TMEM232: variants seen among roughly 807,000 people sequenced by gnomAD.
TMEM232 encodes transmembrane protein 232.
In TMEM232, 80 loss-of-function variants were observed where a neutral mutation model predicts 78.8. That is an observed-to-expected ratio of 1.01 (90% confidence interval 0.85 to 1.22). The LOEUF (loss-of-function observed/expected upper bound fraction) is 1.22. TMEM232 is among the 50% of genes most tolerant of loss of function. The probability of loss-of-function intolerance (pLI) is 0.00; values close to 1 mark genes in which losing one functional copy is unlikely to be tolerated. For synonymous variants in TMEM232, 297 were observed against 254.3 expected (o/e 1.17, Z -1.60); for missense variants, 881 against 742.2 (o/e 1.19, Z -2.17).
At chr5:110,418,568 TA>T (rs751492209), downstream of TMEM232, among the ~76,000 whole-genome samples, 6 of 152,280 alleles carry the variant, frequency 3.9e-5, no homozygotes, top group East Asian at 1.9e-4. Context: ...TATATATAAA[TA>T]TTTTTTTAGC....
chr5:110,668,566 C>G (rs868584217), intron 1 of TMEM232, among the ~76,000 whole-genome samples: 10 of 152,124 alleles, frequency 6.6e-5, no homozygotes, highest in Admixed American at 1.3e-4. Flanking sequence ...ATGTCATTGT[C>G]TATTGCTATT....
intron 11 of TMEM232, among the ~76,000 whole-genome samples, chr5:110,555,903 G>A (rs986335669): frequency 4.6e-5 from 7 of 151,982 alleles, no homozygotes; most frequent in Non-Finnish European, 1.0e-4. Flanking sequence ...ACGTGAGATC[G>A]GTCTGTTGAA....
At chr5:110,734,906 G>T (rs1176171874) in exon 2 of TMEM232, 2 of 151,974 alleles carry the variant, frequency 1.3e-5, no homozygotes, top group Non-Finnish European at 1.5e-5. Context: ...TACTTACCAG[G>T]CAGGGCGCAG....
intron 12 of TMEM232, among the ~76,000 whole-genome samples, chr5:110,502,580 G>A (rs1766391261): frequency 6.6e-6 from 1 of 152,106 alleles, no homozygotes; most frequent in African/African-American, 2.4e-5. Context: ...AAACCCTCCA[G>A]TGACTTCCCT....
At position 110,479,719 on chromosome 5, in the gene TMEM232, TGG is replaced by T. The variant is rs1561547053; in HGVS notation, c.1703+48867_1703+48868del. On this transcript the variant is annotated intron_variant, in intron 12 of 13. Coordinates refer to ENST00000455884, the MANE Select transcript of TMEM232 (RefSeq NM_001039763.4). ...TTTTTACTTAATAGTCTCTGTTTTG[TGG>T]TGGTTATTCATTAAATGCATCATTT... Among the ~76,000 whole-genome samples, 4 of 151,936 alleles carry T rather than the reference TGG, an allele frequency of 2.6e-5. No homozygotes were observed. In the East Asian group the frequency reaches 7.7e-4, roughly 29 times the overall value.
intron 1 of TMEM232, among the ~76,000 whole-genome samples, chr5:110,668,212 T>C (rs1315241052): frequency 1.3e-5 from 2 of 152,132 alleles, no homozygotes; most frequent in Non-Finnish European, 2.9e-5. Context: ...ATGGTTGTAT[T>C]CTCAGAGACT....
chr5:110,713,845 T>C (rs929084393), intron 1 of TMEM232, among the ~76,000 whole-genome samples: 1 of 152,152 alleles, frequency 6.6e-6, no homozygotes, highest in Non-Finnish European at 1.5e-5. Context: ...CAAACTGCAG[T>C]GCAAAGAACT....
chr5:110,664,302 T>C, intron 2 of TMEM232, among the ~76,000 whole-genome samples: 1 of 152,198 alleles, frequency 6.6e-6, no homozygotes, highest in Non-Finnish European at 1.5e-5. Context: ...ATGAAGAATA[T>C]ACATAATTAC....
intron 2 of TMEM232, among the ~76,000 whole-genome samples, chr5:110,665,305 A>C (rs933950224): frequency 2.6e-5 from 4 of 152,308 alleles, no homozygotes; most frequent in Admixed American, 2.0e-4. Flanking sequence ...CCATGAGTTC[A>C]TTCTGATGAA....
chr5:110,429,407 C>A, intron 12 of TMEM232, among the ~76,000 whole-genome samples: 1 of 151,818 alleles, frequency 6.6e-6, no homozygotes, highest in East Asian at 1.9e-4. Flanking sequence ...TAATATATTT[C>A]TTTATGCAGA....
chr5:110,704,106 A>T (rs1001764673), intron 1 of TMEM232, among the ~76,000 whole-genome samples: 2 of 152,222 alleles, frequency 1.3e-5, no homozygotes, highest in South Asian at 4.1e-4. Flanking sequence ...CAAAAAGCTA[A>T]ATTGATAAAA....
intron 2 of TMEM232, among the ~76,000 whole-genome samples, chr5:110,665,936 G>C (rs145893386): frequency 0.024 from 3,617 of 151,636 alleles, 45 homozygotes; most frequent in African/African-American, 0.031. Flanking sequence ...AGGCATACTG[G>C]CATGTGCCCG....
At chr5:110,570,297 T>C (rs541752268) in intron 10 of TMEM232, among the ~76,000 whole-genome samples, 222 of 152,128 alleles carry the variant, frequency 1.5e-3, no homozygotes, top group Non-Finnish European at 2.2e-3. Context: ...ATTTTTGCAC[T>C]GAACATTTGG....
intron 1 of TMEM232, among the ~76,000 whole-genome samples, chr5:110,736,410 TA>T (rs898804429): frequency 6.6e-6 from 1 of 152,142 alleles, no homozygotes; most frequent in Non-Finnish European, 1.5e-5. Context: ...AGCAATTAAA[TA>T]AAAAGTGAAA....
chr5:110,616,068 A>C (rs1782889857), intron 8 of TMEM232, among the ~76,000 whole-genome samples: 1 of 152,034 alleles, frequency 6.6e-6, no homozygotes, highest in South Asian at 2.1e-4. Flanking sequence ...AAACAGACAA[A>C]AAATTTAAAA....
At position 110,678,343 on chromosome 5, in the gene TMEM232, G is replaced by A. The variant is rs112831071; in HGVS notation, c.-12-10979C>T. Among the ~76,000 whole-genome samples the A allele has an allele frequency of 1.0e-2, 1,522 of 152,214 alleles. 14 individuals are homozygous for A. The highest frequency in any genetic ancestry group is 0.034 in the African/African-American group (1,425 of 41,534). On this transcript the variant is annotated intron_variant, in intron 1 of 13. Transcript: ENST00000455884. ...GCCTCCCAAAACATTGGGATTACAG[G>A]TGTGAGCCACCATGCCTAGCCTGAC...
chr5:110,632,554 T>C (rs1785268324), intron 5 of TMEM232, among the ~76,000 whole-genome samples: 1 of 152,092 alleles, frequency 6.6e-6, no homozygotes, highest in Non-Finnish European at 1.5e-5. Flanking sequence ...GAGATACGTA[T>C]CATACAAAAG....
intron 2 of TMEM232, among the ~76,000 whole-genome samples, chr5:110,665,928 G>A (rs1240973103): frequency 6.6e-6 from 1 of 151,242 alleles, no homozygotes; most frequent in Non-Finnish European, 1.5e-5. Context: ...AATTAGCCAG[G>A]CATACTGGCA....
At position 110,561,151 on chromosome 5, in the gene TMEM232, G is replaced by C. The variant is rs367949331; in HGVS notation, c.1455+7296C>G. Among the ~76,000 whole-genome samples, 9 of 151,780 alleles carry C rather than the reference G, an allele frequency of 5.9e-5. 1 individual carries two copies. The highest frequency in any genetic ancestry group is 5.8e-4 in the East Asian group (3 of 5,156). On this transcript the variant is annotated intron_variant, in intron 11 of 13. Transcript: ENST00000455884. ...TTATTAATATTCATTTTTTGCTTTTGTAGATTTTCTTAAAATAACTCAAGA... is the reference window on the plus strand; with the variant it reads ...TTATTAATATTCATTTTTTGCTTTTCTAGATTTTCTTAAAATAACTCAAGA...
Sources: gnomAD v4.1 joint callset for allele counts (sites outside exome capture counted in the v4.1 genomes callset) on GRCh38, gnomAD v4.1.1 for gene constraint, MANE v1.5 for transcripts, NCBI Gene and HGNC (gene_info 2026-07-23, HGNC 2026-07-21) for gene names.